The following KCNU1 variants were observed in gnomAD, a reference collection of about 807,000 sequenced individuals.
KCNU1 encodes the protein potassium calcium-activated channel subfamily U member 1.
In KCNU1, 93 loss-of-function variants were observed where a neutral mutation model predicts 126.8. The observed-to-expected ratio is 0.73, with a 90% confidence interval of 0.62 to 0.87. The LOEUF (loss-of-function observed/expected upper bound fraction) is 0.87, where lower values mean the gene tolerates loss of function less well. Ranked by LOEUF, KCNU1 falls within the 40% of genes least tolerant of loss-of-function variation. KCNU1 has a pLI of 0.00. For synonymous variants in KCNU1, 523 were observed against 494.2 expected (o/e 1.06, Z -0.77); for missense variants, 1,330 against 1,367.1 (o/e 0.97, Z 0.43).
chr8:36,856,311 GCTCATGCTTTCCTGTTAATTTTCATGT>G (rs1805526372), intron 18 of KCNU1, among the ~76,000 whole-genome samples: 1 of 152,022 alleles, frequency 6.6e-6, no homozygotes, highest in African/African-American at 2.4e-5. Flanking sequence ...CCTGTGTATA[GCTCATGCTTTCCTGTTAATTTTCATGT>G]CTCATGCTTT....
At chr8:36,801,069 C>T (rs918414368) in intron 2 of KCNU1, among the ~76,000 whole-genome samples, 1 of 152,192 alleles carries the variant, frequency 6.6e-6, no homozygotes, top group African/African-American at 2.4e-5. Context: ...TAAATGATTA[C>T]ATTTGTAGAC....
chr8:36,858,573 G>A (rs1209822034), intron 18 of KCNU1, among the ~76,000 whole-genome samples: 1 of 152,058 alleles, frequency 6.6e-6, no homozygotes, highest in Admixed American at 6.6e-5. Flanking sequence ...CAAACTTTCT[G>A]AAAAGAAATT....
At chr8:36,887,544 G>A (rs959903030) in intron 19 of KCNU1, among the ~76,000 whole-genome samples, 1 of 148,960 alleles carries the variant, frequency 6.7e-6, no homozygotes, top group African/African-American at 2.5e-5. Context: ...ATGAAGGCAT[G>A]TAAGAGTGTA....
chr8:36,829,923 A>G (rs1159408102), intron 10 of KCNU1, among the ~76,000 whole-genome samples: 1 of 151,036 alleles, frequency 6.6e-6, no homozygotes, highest in Non-Finnish European at 1.5e-5. Flanking sequence ...TTAGTACAGG[A>G]AAAACACAAT....
intron 4 of KCNU1, among the ~76,000 whole-genome samples, chr8:36,805,985 A>C (rs1250644646): frequency 1.3e-5 from 2 of 152,152 alleles, no homozygotes; most frequent in African/African-American, 2.4e-5. Context: ...CTGGGATTAC[A>C]GGCAGCTGCA....
intron 11 of KCNU1, 43 bp downstream of exon 11, chr8:36,833,702 G>T (rs771951824): frequency 5.2e-6 from 6 of 1,156,174 alleles, no homozygotes; most frequent in Admixed American, 3.4e-5. Flanking sequence ...TTCCTTAGTT[G>T]CAACAATTAA....
intron 2 of KCNU1, among the ~76,000 whole-genome samples, chr8:36,800,783 C>T (rs745696427): frequency 2.1e-4 from 32 of 152,314 alleles, no homozygotes; most frequent in Non-Finnish European, 3.4e-4. Flanking sequence ...AGTCATCTTG[C>T]GAGTTGGTAA....
intron 26 of KCNU1, among the ~76,000 whole-genome samples, chr8:36,934,053 T>C (rs1808781622): frequency 1.3e-5 from 2 of 152,058 alleles, no homozygotes; most frequent in African/African-American, 4.8e-5. Context: ...CATTGAATAG[T>C]AGATGTACTC....
intron 2 of KCNU1, among the ~76,000 whole-genome samples, chr8:36,797,048 A>G (rs1803125498): frequency 6.6e-6 from 1 of 152,154 alleles, no homozygotes. Context: ...TGAATTTCCT[A>G]CCTCACCAGA....
At chr8:36,913,703 G>T (rs1338255555) in intron 22 of KCNU1, among the ~76,000 whole-genome samples, 1 of 150,912 alleles carries the variant, frequency 6.6e-6, no homozygotes, top group African/African-American at 2.4e-5. Flanking sequence ...CCAGGTTCAT[G>T]CCATTCTTCT....
intron 3 of KCNU1, among the ~76,000 whole-genome samples, chr8:36,804,771 C>T (rs555414198): frequency 1.3e-5 from 2 of 152,222 alleles, no homozygotes; most frequent in South Asian, 2.1e-4. Flanking sequence ...CCTAAGAGAT[C>T]TTTTAGGAGA....
intron 18 of KCNU1, among the ~76,000 whole-genome samples, chr8:36,856,644 T>C (rs148951441): frequency 1.2e-4 from 18 of 152,306 alleles, no homozygotes; most frequent in Non-Finnish European, 4.4e-5. Flanking sequence ...TCCGCTTCTG[T>C]TAGTATCACA....
At chr8:36,859,156 G>A (rs149478137) in intron 18 of KCNU1, among the ~76,000 whole-genome samples, 52 of 152,230 alleles carry the variant, frequency 3.4e-4, no homozygotes, top group Non-Finnish European at 5.6e-4. Context: ...TAACTAAAAT[G>A]TGCCAAAAGA....
At position 36,862,078 on chromosome 8, in the gene KCNU1, A is replaced by G. The variant is rs185450954; in HGVS notation, c.1892-2326A>G. On this transcript the variant is annotated intron_variant, in intron 18 of 26. Coordinates refer to ENST00000399881, the MANE Select transcript of KCNU1 (RefSeq NM_001031836.3). ...AGGTATCCATAGGGAACTCATGGTAAGTCATGACAAGACATTAACAGTCTA... is the reference window on the plus strand; with the variant it reads ...AGGTATCCATAGGGAACTCATGGTAGGTCATGACAAGACATTAACAGTCTA... Among the ~76,000 whole-genome samples, 5 of 152,270 alleles carry G rather than the reference A, an allele frequency of 3.3e-5. No individual in the cohort carries two copies. In the East Asian group the frequency reaches 9.7e-4, roughly 29 times the overall value.
chr8:36,860,423 T>C lies in KCNU1; in HGVS notation c.1892-3981T>C, dbSNP rs1481135239. Among the ~76,000 whole-genome samples, 70 of 152,266 alleles carry C rather than the reference T, an allele frequency of 4.6e-4. 1 individual carries two copies. The highest frequency in any genetic ancestry group is 4.6e-3 in the Admixed American group (70 of 15,280). ...TTCACAGCATAAACACCAGTAGGGC[T>C]AAGCCTTCAGAGTAGGAGGAATAAT... On this transcript the variant is annotated intron_variant, in intron 18 of 26. Transcript: ENST00000399881.
chr8:36,923,979 T>C (rs72634162), intron 24 of KCNU1, among the ~76,000 whole-genome samples: 116 of 152,312 alleles, frequency 7.6e-4, no homozygotes, highest in Middle Eastern at 3.4e-3. Flanking sequence ...GAACTAATAG[T>C]TGACAGGAGG....
At chr8:36,863,615 A>C (rs1486480378) in intron 18 of KCNU1, among the ~76,000 whole-genome samples, 1 of 152,178 alleles carries the variant, frequency 6.6e-6, no homozygotes. Flanking sequence ...TTATTGTGTG[A>C]CAATGCCTAC....
intron 24 of KCNU1, among the ~76,000 whole-genome samples, chr8:36,929,419 A>G (rs949667890): frequency 4.6e-5 from 6 of 131,784 alleles, no homozygotes; most frequent in Non-Finnish European, 3.5e-5. Context: ...AACAAAAAAC[A>G]AACAAACAAA....
chr8:36,908,964 G>A (rs1807749641), intron 20 of KCNU1, among the ~76,000 whole-genome samples: 1 of 152,016 alleles, frequency 6.6e-6, no homozygotes, highest in Non-Finnish European at 1.5e-5. Context: ...GCACATACAA[G>A]GCTAAAAATG....
Sources: allele counts gnomAD v4.1 joint callset (sites outside exome capture counted in the v4.1 genomes callset), GRCh38; gene constraint gnomAD v4.1.1; transcripts MANE v1.5; gene names NCBI Gene and HGNC (gene_info 2026-07-23, HGNC 2026-07-21).